Variants in PPP3CA observed in about 807,000 individuals in gnomAD.
PPP3CA encodes CAM-PRP catalytic subunit.
PPP3CA carries 14 observed loss-of-function variants against 66.5 expected under a neutral mutation model. The observed-to-expected ratio is 0.21, with a 90% CI of 0.14 to 0.33. PPP3CA has a LOEUF of 0.33. Among genes scored for constraint, PPP3CA ranks in the 10% least tolerant of loss-of-function variants. The probability of loss-of-function intolerance (pLI) is 1.00; values close to 1 mark genes in which losing one functional copy is unlikely to be tolerated. For synonymous variants in PPP3CA, 232 were observed against 226.2 expected (o/e 1.03, Z -0.23); for missense variants, 317 against 639.5 (o/e 0.50, Z 5.44).
At chr4:101,145,563 G>A (rs547985584) in intron 2 of PPP3CA, among the ~76,000 whole-genome samples, 6 of 152,264 alleles carry the variant, frequency 3.9e-5, no homozygotes, top group African/African-American at 1.4e-4. Flanking sequence ...CTTATTTGTG[G>A]AAGCTAAAAA....
At chr4:101,047,856 A>G (rs1217734230) in intron 10 of PPP3CA, among the ~76,000 whole-genome samples, 2 of 152,108 alleles carry the variant, frequency 1.3e-5, no homozygotes, top group Non-Finnish European at 2.9e-5. Flanking sequence ...AATAAATAAT[A>G]TAATTATTAT....
chr4:101,303,926 A>G (rs1447874521), intron 1 of PPP3CA, among the ~76,000 whole-genome samples: 3 of 152,196 alleles, frequency 2.0e-5, no homozygotes, highest in Non-Finnish European at 2.9e-5. Flanking sequence ...TCACTGGTCA[A>G]ACTTGCAATT....
chr4:101,071,088 G>A (rs1339717190), intron 8 of PPP3CA, among the ~76,000 whole-genome samples: 3 of 152,116 alleles, frequency 2.0e-5, no homozygotes, highest in Non-Finnish European at 2.9e-5. Flanking sequence ...GAGATGGCAC[G>A]GGCATAGCAA....
rs145604467 is a variant in PPP3CA, at chr4:101,341,152, A to G, written c.58+5587T>C. On this transcript the variant is annotated intron_variant, in intron 1 of 13. Transcript: ENST00000394854. ...TTAGTAAAACAAAATGCGAAATGAA[A>G]TGTGAAGATATCTTAAATATACCAA... Among the ~76,000 whole-genome samples the G allele has an allele frequency of 1.2e-4, 18 of 152,036 alleles. 1 individual carries two copies. Among genetic ancestry groups the G allele is most frequent in the African/African-American group, 4.3e-4 (18 of 41,534 alleles).
rs984499988 is a variant in PPP3CA, at chr4:101,203,834, T to C, written c.59-7718A>G. Among the ~76,000 whole-genome samples the C allele has an allele frequency of 4.9e-4, 75 of 152,196 alleles. 1 individual carries two copies. The highest frequency in any genetic ancestry group is 1.8e-3 in the African/African-American group (74 of 41,442). ...AATTTTTGATATTTTGGTTACTTCA[T>C]TACAATTGCAAATGGCTTATATAAT... is the stretch of plus-strand genomic sequence containing the variant. On this transcript the variant is annotated intron_variant, in intron 1 of 13. Coordinates refer to ENST00000394854, the MANE Select transcript of PPP3CA (RefSeq NM_000944.5).
At chr4:101,079,147 C>T (rs1313784944) in intron 8 of PPP3CA, among the ~76,000 whole-genome samples, 5 of 152,164 alleles carry the variant, frequency 3.3e-5, no homozygotes, top group African/African-American at 1.2e-4. Context: ...GGACTAAGGA[C>T]ATTCAACAGG....
intron 2 of PPP3CA, among the ~76,000 whole-genome samples, chr4:101,189,687 C>CAAAAAAAAAAAAAA (rs554383258): frequency 1.4e-5 from 1 of 72,622 alleles, no homozygotes; most frequent in African/African-American, 4.8e-5. Context: ...TAGTGAACGG[C>CAAAAAAAAAAAAAA]AAAAAAAAAA....
chr4:101,096,478 G>C (rs765613752), intron 5 of PPP3CA, among the ~76,000 whole-genome samples: 1 of 152,112 alleles, frequency 6.6e-6, no homozygotes, highest in Non-Finnish European at 1.5e-5. Context: ...TAGTACAATA[G>C]CCTTATCCTT....
intron 7 of PPP3CA, 124 bp from the exon 8 acceptor site, chr4:101,080,750 A>C (rs900543583): frequency 4.5e-6 from 2 of 445,918 alleles, no homozygotes; most frequent in Non-Finnish European, 7.7e-6. Context: ...CCAATCATAT[A>C]ACACTAAATA....
intron 2 of PPP3CA, among the ~76,000 whole-genome samples, chr4:101,124,724 AG>A (rs1341603280): frequency 1.1e-4 from 5 of 44,244 alleles, no homozygotes; most frequent in Non-Finnish European, 1.4e-4. Context: ...AAAGAAAGAA[AG>A]AGAAAGAAAG....
intron 2 of PPP3CA, among the ~76,000 whole-genome samples, chr4:101,187,195 T>C (rs1014949612): frequency 1.3e-5 from 2 of 152,176 alleles, no homozygotes; most frequent in Non-Finnish European, 2.9e-5. Flanking sequence ...TCAGGTGACC[T>C]GCACAGCAGA....
At chr4:101,076,903 T>G (rs1210728601) in intron 8 of PPP3CA, among the ~76,000 whole-genome samples, 10 of 152,212 alleles carry the variant, frequency 6.6e-5, no homozygotes, top group African/African-American at 2.4e-4. Context: ...AAACGAACAT[T>G]TTTTCTCATC....
intron 2 of PPP3CA, among the ~76,000 whole-genome samples, chr4:101,195,490 G>GTGA (rs1461307640): frequency 2.0e-5 from 3 of 152,070 alleles, no homozygotes; most frequent in Non-Finnish European, 4.4e-5. Context: ...GTTTCAAATG[G>GTGA]TGATGATGAT....
intron 1 of PPP3CA, among the ~76,000 whole-genome samples, chr4:101,346,469 G>A (rs1484827632): frequency 6.6e-6 from 1 of 151,854 alleles, no homozygotes; most frequent in Non-Finnish European, 1.5e-5. Context: ...CACCCCCGCC[G>A]CCACCTCCCC....
chr4:101,209,581 T>A (rs1434481279), intron 1 of PPP3CA, among the ~76,000 whole-genome samples: 1 of 152,170 alleles, frequency 6.6e-6, no homozygotes, highest in African/African-American at 2.4e-5. Flanking sequence ...ATTTTGAATG[T>A]AAGATTGATG....
At chr4:101,031,827 C>T (rs1053489242) in intron 12 of PPP3CA, among the ~76,000 whole-genome samples, 1 of 152,190 alleles carries the variant, frequency 6.6e-6, no homozygotes, top group Non-Finnish European at 1.5e-5. Context: ...ATAATGAAAT[C>T]ATCTCCTGAA....
intron 6 of PPP3CA, among the ~76,000 whole-genome samples, chr4:101,090,258 G>A (rs115066727): frequency 6.6e-6 from 1 of 152,186 alleles, no homozygotes; most frequent in Non-Finnish European, 1.5e-5. Context: ...TTTGACATTA[G>A]TCAGTCTATA....
chr4:101,151,973 A>G (rs1483533269), intron 2 of PPP3CA, among the ~76,000 whole-genome samples: 1 of 152,022 alleles, frequency 6.6e-6, no homozygotes, highest in Non-Finnish European at 1.5e-5. Context: ...CTATTTTTCT[A>G]TACATATGCA....
intron 1 of PPP3CA, among the ~76,000 whole-genome samples, chr4:101,212,954 G>C (rs1304708420): frequency 6.6e-6 from 1 of 151,890 alleles, no homozygotes; most frequent in Non-Finnish European, 1.5e-5. Flanking sequence ...ATGTCTGGTT[G>C]GTATCTCAGA....
Sources: allele counts gnomAD v4.1 joint callset (sites outside exome capture counted in the v4.1 genomes callset), GRCh38; gene constraint gnomAD v4.1.1; transcripts MANE v1.5; gene names NCBI Gene and HGNC (gene_info 2026-07-23, HGNC 2026-07-21).